RABGAP1L: variants seen among roughly 807,000 people sequenced by gnomAD.
RABGAP1L encodes RAB GTPase activating protein 1 like, also known as rab GTPase-activating protein 1-like.
In RABGAP1L, 63 loss-of-function variants were observed where a neutral mutation model predicts 137.7. The observed-to-expected ratio is 0.46, with a 90% CI of 0.37 to 0.56. RABGAP1L has a LOEUF of 0.56. RABGAP1L is among the 20% of genes least tolerant of loss of function. RABGAP1L has a pLI of 0.00. For synonymous variants in RABGAP1L, 431 were observed against 433.7 expected (o/e 0.99, Z 0.08); for missense variants, 1,095 against 1,244.0 (o/e 0.88, Z 1.80).
At chr1:174,886,989 T>C (rs1201744792) in intron 19 of RABGAP1L, among the ~76,000 whole-genome samples, 1 of 152,098 alleles carries the variant, frequency 6.6e-6, no homozygotes, top group Non-Finnish European at 1.5e-5. Flanking sequence ...GTATTTTTAG[T>C]AGAGATGGGA....
Position 174,297,800 on chromosome 1 carries a change from A to G in RABGAP1L, c.1324-7186A>G, listed in dbSNP as rs557044470. On this transcript the variant is annotated intron_variant, in intron 10 of 25. Transcript: ENST00000681986. ...ATTAGAAGACATATATAAAAATGAAACAAGGGCACAGGTAAGGGCAGCTCA... is the reference window on the plus strand; with the variant it reads ...ATTAGAAGACATATATAAAAATGAAGCAAGGGCACAGGTAAGGGCAGCTCA... Among the ~76,000 whole-genome samples, 3 of 152,334 alleles carry G rather than the reference A, an allele frequency of 2.0e-5. No homozygotes were observed. In the South Asian group the frequency reaches 6.2e-4, roughly 32 times the overall value.
At chr1:174,891,693 T>C (rs1162857476) in intron 19 of RABGAP1L, among the ~76,000 whole-genome samples, 2 of 151,980 alleles carry the variant, frequency 1.3e-5, no homozygotes, top group African/African-American at 4.8e-5. Context: ...TTTGTAGAGA[T>C]AGGGTCTCGC....
intron 14 of RABGAP1L, among the ~76,000 whole-genome samples, chr1:174,644,952 A>T (rs1209913176): frequency 6.6e-6 from 1 of 152,136 alleles, no homozygotes; most frequent in Non-Finnish European, 1.5e-5. Context: ...CACTATACCC[A>T]CAGTGATTTA....
chr1:174,493,636 A>G (rs1347105448), intron 13 of RABGAP1L, among the ~76,000 whole-genome samples: 1 of 151,844 alleles, frequency 6.6e-6, no homozygotes, highest in Non-Finnish European at 1.5e-5. Flanking sequence ...CCTGGGCAAC[A>G]TGGCAAAACT....
intron 7 of RABGAP1L, among the ~76,000 whole-genome samples, chr1:174,266,119 C>T (rs1416564440): frequency 6.6e-6 from 1 of 152,066 alleles, no homozygotes; most frequent in Non-Finnish European, 1.5e-5. Flanking sequence ...AGAGTACCCT[C>T]ATCTGGGTTT....
chr1:174,614,249 C>G (rs1480324774), intron 13 of RABGAP1L, among the ~76,000 whole-genome samples: 1 of 152,102 alleles, frequency 6.6e-6, no homozygotes, highest in Non-Finnish European at 1.5e-5. Flanking sequence ...TTAGGGCAGG[C>G]CTGGTGGTGA....
At chr1:174,241,245 G>T (rs868048698) in intron 4 of RABGAP1L, among the ~76,000 whole-genome samples, 2 of 152,034 alleles carry the variant, frequency 1.3e-5, no homozygotes, top group African/African-American at 4.8e-5. Flanking sequence ...GCTTGAACTC[G>T]GGAGGTGGAG....
intron 15 of RABGAP1L, among the ~76,000 whole-genome samples, chr1:174,687,921 T>G (rs1016016029): frequency 1.3e-5 from 2 of 152,194 alleles, no homozygotes; most frequent in Non-Finnish European, 2.9e-5. Flanking sequence ...TCTAAATAAA[T>G]AATTAGCCTC....
At chr1:174,336,002 G>C (rs1681433819) in intron 11 of RABGAP1L, among the ~76,000 whole-genome samples, 2 of 152,170 alleles carry the variant, frequency 1.3e-5, no homozygotes, top group Admixed American at 6.5e-5. Flanking sequence ...TTTAGGTTTA[G>C]TAAAATCTGC....
At chr1:174,375,005 T>C (rs1685401557) in intron 12 of RABGAP1L, among the ~76,000 whole-genome samples, 1 of 152,158 alleles carries the variant, frequency 6.6e-6, no homozygotes, top group Non-Finnish European at 1.5e-5. Flanking sequence ...TTCTTGATTC[T>C]TAGATGAAAT....
At chr1:174,696,774 CTG>C (rs1193794303) in intron 15 of RABGAP1L, among the ~76,000 whole-genome samples, 1 of 152,202 alleles carries the variant, frequency 6.6e-6, no homozygotes, top group Admixed American at 6.5e-5. Context: ...CGATGTAAGA[CTG>C]TTTTTTCTAT....
At chr1:174,616,339 A>T (rs1350858805) in intron 13 of RABGAP1L, among the ~76,000 whole-genome samples, 1 of 152,196 alleles carries the variant, frequency 6.6e-6, no homozygotes, top group Non-Finnish European at 1.5e-5. Flanking sequence ...TGTCTAAATG[A>T]TGTTGGGAGA....
At chr1:174,705,352 G>T (rs920148306) in intron 17 of RABGAP1L, 1 of 152,086 alleles carries the variant, frequency 6.6e-6, no homozygotes, top group Non-Finnish European at 1.5e-5. Context: ...TCTAATGTCA[G>T]TTAAGAAAAC....
rs192798550 is a variant in RABGAP1L at position 174,567,130 on chromosome 1, A to G, written c.1711-70245A>G. Among the ~76,000 whole-genome samples the G allele has an allele frequency of 1.2e-3, 177 of 152,238 alleles. 1 individual carries two copies. The highest frequency in any genetic ancestry group is 4.2e-3 in the African/African-American group (173 of 41,552). ...TACCACTATCTATATCCAACACTTTATCATTATCCCCAACAAAAACTATGC... is the reference window on the plus strand; with the variant it reads ...TACCACTATCTATATCCAACACTTTGTCATTATCCCCAACAAAAACTATGC... On this transcript the variant is annotated intron_variant, in intron 13 of 25. Coordinates refer to ENST00000681986, the MANE Select transcript of RABGAP1L (RefSeq NM_001366446.1).
chr1:174,930,608 C>T (rs963221665), intron 19 of RABGAP1L, among the ~76,000 whole-genome samples: 3 of 152,126 alleles, frequency 2.0e-5, no homozygotes, highest in African/African-American at 4.8e-5. Context: ...TGAGCCACTG[C>T]GCCCAGCATA....
At chr1:174,521,836 T>G (rs1663420826) in intron 13 of RABGAP1L, among the ~76,000 whole-genome samples, 1 of 152,096 alleles carries the variant, frequency 6.6e-6, no homozygotes, top group African/African-American at 2.4e-5. Context: ...ATCCCAGTAC[T>G]TTGGGAGGTT....
intron 7 of RABGAP1L, among the ~76,000 whole-genome samples, chr1:174,265,272 T>A (rs1450907148): frequency 6.6e-6 from 1 of 152,246 alleles, no homozygotes; most frequent in Admixed American, 6.5e-5. Context: ...TGTATTAGTC[T>A]TACTGAATGG....
intron 20 of RABGAP1L, among the ~76,000 whole-genome samples, chr1:174,964,035 G>C (rs1669401124): frequency 6.6e-6 from 1 of 152,142 alleles, no homozygotes; most frequent in African/African-American, 2.4e-5. Context: ...GATGAGTAAA[G>C]GAGGGAAGCA....
chr1:174,880,835 C>T (rs1006739968), intron 19 of RABGAP1L, among the ~76,000 whole-genome samples: 1 of 152,152 alleles, frequency 6.6e-6, no homozygotes, highest in African/African-American at 2.4e-5. Flanking sequence ...AATCCTCCCA[C>T]CTCAGCCTCC....
Sources: gnomAD v4.1 joint callset for allele counts (sites outside exome capture counted in the v4.1 genomes callset) on GRCh38, gnomAD v4.1.1 for gene constraint, MANE v1.5 for transcripts, NCBI Gene and HGNC (gene_info 2026-07-23, HGNC 2026-07-21) for gene names.